The following DLG1 variants were observed in gnomAD, a reference collection of about 807,000 sequenced individuals.
DLG1 encodes the protein discs large MAGUK scaffold protein 1.
DLG1 carries 42 observed loss-of-function variants against 123.4 expected under a neutral mutation model. The ratio of observed to expected loss-of-function variants is 0.34; its 90% CI spans 0.27 to 0.44. DLG1 has a LOEUF of 0.44. Ranked by LOEUF, DLG1 falls within the 20% of genes least tolerant of loss-of-function variation. DLG1 has a pLI of 1.00. For missense variants in DLG1, 942 were observed against 1,082.6 expected, an observed-to-expected ratio of 0.87 and a Z score of 1.82; for synonymous variants, 317 against 356.2, an observed-to-expected ratio of 0.89 and a Z score of 1.24.
chr3:197,119,998 G>A (rs761059197), intron 11 of DLG1, among the ~76,000 whole-genome samples: 5 of 152,122 alleles, frequency 3.3e-5, no homozygotes, highest in African/African-American at 4.8e-5. Flanking sequence ...AGTGGCTCAC[G>A]CCTGTAACCC....
In DLG1 at chr3:197,044,476, C is replaced by T. The variant is rs1721613183; in HGVS notation, c.*147G>A. ...CACACGATGTAACTTGAAGGAGACACTACATGTGAAAAAGAAGCTGCAGAC... is the reference window on the plus strand; with the variant it reads ...CACACGATGTAACTTGAAGGAGACATTACATGTGAAAAAGAAGCTGCAGAC... On this transcript the variant is annotated 3_prime_UTR_variant, in exon 25 of 25. Coordinates refer to ENST00000667157, the MANE Select transcript of DLG1 (RefSeq NM_001366207.1). 5.8e-6 allele frequency: 3 copies of T among 515,576 alleles called. No homozygotes were observed. The highest frequency in any genetic ancestry group is 6.9e-6 in the Non-Finnish European group (2 of 288,670). 31.9% of individuals were successfully genotyped at this position (515,576 alleles called of 1,614,324 possible). A position where few individuals can be genotyped will look rare whatever the true frequency, so the allele number is the denominator to read the frequency against.
At chr3:197,287,993 G>C (rs1054750594) in intron 3 of DLG1, among the ~76,000 whole-genome samples, 1 of 152,024 alleles carries the variant, frequency 6.6e-6, no homozygotes, top group African/African-American at 2.4e-5. Context: ...AAACAAAAAT[G>C]CATATGCAAA....
intron 4 of DLG1, among the ~76,000 whole-genome samples, chr3:197,263,935 A>G (rs1449037498): frequency 6.6e-6 from 1 of 152,260 alleles, no homozygotes; most frequent in African/African-American, 2.4e-5. Context: ...ACAAAATTGA[A>G]AACAGCCTGA....
chr3:197,120,273 GA>G (rs3050713), intron 11 of DLG1, among the ~76,000 whole-genome samples: 48,818 of 127,590 alleles, frequency 0.38, 8,678 homozygotes, highest in East Asian at 0.71. Flanking sequence ...TCTCGAGAAA[GA>G]AAAAAAAAAA....
intron 14 of DLG1, among the ~76,000 whole-genome samples, chr3:197,095,765 T>A (rs1177490204): frequency 6.6e-6 from 1 of 152,232 alleles, no homozygotes; most frequent in Non-Finnish European, 1.5e-5. Context: ...TTTATTTATA[T>A]GAGTAAAAAC....
intron 4 of DLG1, among the ~76,000 whole-genome samples, chr3:197,209,901 G>A (rs1259409305): frequency 6.8e-6 from 1 of 146,322 alleles, no homozygotes; most frequent in East Asian, 2.0e-4. Flanking sequence ...GAATTTCCCT[G>A]GTTGGAATAC....
At chr3:197,257,930 C>T (rs751232973) in intron 4 of DLG1, among the ~76,000 whole-genome samples, 4 of 152,118 alleles carry the variant, frequency 2.6e-5, no homozygotes, top group Admixed American at 6.6e-5. Context: ...TCCACCTCAA[C>T]GGACATGTTT....
chr3:197,078,844 C>A (rs1419550837), intron 17 of DLG1, among the ~76,000 whole-genome samples: 1 of 152,146 alleles, frequency 6.6e-6, no homozygotes, highest in African/African-American at 2.4e-5. Flanking sequence ...ATCCCTCTTA[C>A]TGCATCTATA....
At position 197,052,323 on chromosome 3, in the gene DLG1, C is replaced by T. The variant is rs560386539; in HGVS notation, c.2484-655G>A. 3.3e-4 allele frequency among the ~76,000 whole-genome samples: 50 copies of T among 152,062 alleles called. No individual in the cohort carries two copies. The East Asian group carries it at 6.1e-3, about 19-fold the overall frequency. On this transcript the variant is annotated intron_variant, in intron 23 of 24. Transcript: ENST00000667157. The stretch of plus-strand genomic sequence containing the variant: ...TATAAAAATTAGCTGGGTGTGGTGG[C>T]GCATGCCTGTAATCCTAGCTACCTG...
At chr3:197,074,221 G>A (rs1018677885) in intron 18 of DLG1, among the ~76,000 whole-genome samples, 1 of 152,018 alleles carries the variant, frequency 6.6e-6, no homozygotes, top group Non-Finnish European at 1.5e-5. Context: ...CAAGTTACCA[G>A]GTGAATAAAT....
intron 4 of DLG1, chr3:197,225,894 C>A: frequency 6.6e-6 from 1 of 152,610 alleles, no homozygotes; most frequent in African/African-American, 2.4e-5. Flanking sequence ...GCTGTTGGAG[C>A]ATGCTACTTT....
At chr3:197,259,991 A>G (rs1231710141) in intron 4 of DLG1, among the ~76,000 whole-genome samples, 2 of 152,240 alleles carry the variant, frequency 1.3e-5, no homozygotes, top group East Asian at 3.8e-4. Flanking sequence ...TTTAAATATA[A>G]TCAGGACTTT....
At chr3:197,245,158 G>A (rs1007560732) in intron 4 of DLG1, among the ~76,000 whole-genome samples, 23 of 152,290 alleles carry the variant, frequency 1.5e-4, no homozygotes, top group African/African-American at 5.3e-4. Flanking sequence ...GTGGGTGCCA[G>A]GGGGTATGGT....
At chr3:197,093,880 C>T (rs1759183298) in intron 14 of DLG1, among the ~76,000 whole-genome samples, 1 of 152,132 alleles carries the variant, frequency 6.6e-6, no homozygotes, top group South Asian at 2.1e-4. Context: ...AATCTAATTC[C>T]CCTCTCCTGG....
At chr3:197,103,220 C>A (rs1034110698) in intron 14 of DLG1, among the ~76,000 whole-genome samples, 1 of 152,104 alleles carries the variant, frequency 6.6e-6, no homozygotes, top group African/African-American at 2.4e-5. Context: ...TCATACCTGC[C>A]TTCTTAGTTT....
intron 23 of DLG1, 67 bp from the exon 24 acceptor site, chr3:197,051,735 GGA>G: frequency 8.2e-7 from 1 of 1,221,920 alleles, no homozygotes; most frequent in Non-Finnish European, 1.2e-6. Context: ...AGATGGCAAA[GGA>G]GAGATGACAC....
At chr3:197,183,875 T>A (rs1053622182) in intron 5 of DLG1, 1 of 1,505,996 alleles carries the variant, frequency 6.6e-7, no homozygotes, top group South Asian at 1.3e-5. Context: ...TGGTGAATGA[T>A]CGGTAAAAAC....
chr3:197,268,243 A>G (rs1435176341), intron 4 of DLG1, among the ~76,000 whole-genome samples: 1 of 152,218 alleles, frequency 6.6e-6, no homozygotes, highest in Non-Finnish European at 1.5e-5. Flanking sequence ...ATCAAAACTC[A>G]TAATTCAAAA....
At chr3:197,056,198 T>C (rs945959498) in intron 23 of DLG1, among the ~76,000 whole-genome samples, 1 of 152,202 alleles carries the variant, frequency 6.6e-6, no homozygotes, top group Non-Finnish European at 1.5e-5. Flanking sequence ...GCCAGTGCAG[T>C]TGTCGTCTGG....
Sources: gnomAD v4.1 joint callset for allele counts (sites outside exome capture counted in the v4.1 genomes callset) on GRCh38, gnomAD v4.1.1 for gene constraint, MANE v1.5 for transcripts, NCBI Gene and HGNC (gene_info 2026-07-23, HGNC 2026-07-21) for gene names.